The following MRPL34 variants were observed in gnomAD, a reference collection of about 807,000 sequenced individuals.
MRPL34 encodes the protein large ribosomal subunit protein bL34m.
A neutral mutation model predicts 6.7 loss-of-function variants in MRPL34; 8 were observed. The observed-to-expected ratio is 1.20, with a 90% CI of 0.70 to 2.16. MRPL34 has a LOEUF of 2.16. Among genes scored for constraint, MRPL34 ranks in the 30% most tolerant of loss-of-function variants. The pLI is 0.00. For synonymous variants in MRPL34, 59 were observed against 55.1 expected (o/e 1.07, Z -0.31); for missense variants, 146 against 125.5 (o/e 1.16, Z -0.78).
chr19:17,299,323 A>G (rs2074107045), upstream of MRPL34, among the ~76,000 whole-genome samples: 1 of 147,112 alleles, frequency 6.8e-6, no homozygotes, highest in Non-Finnish European at 1.5e-5. Flanking sequence ...GCGCTTTGGG[A>G]GGCCGAGGAG....
upstream of MRPL34, chr19:17,300,883 C>T: frequency 1.3e-6 from 2 of 1,599,338 alleles, no homozygotes; most frequent in East Asian, 2.2e-5. Flanking sequence ...GAGCACATTT[C>T]GCTTCTTGGC....
chr19:17,300,889 T>C (rs2074114207), upstream of MRPL34: 1 of 1,600,794 alleles, frequency 6.2e-7, no homozygotes, highest in Non-Finnish European at 8.5e-7. Flanking sequence ...ATTTCGCTTC[T>C]TGGCATAGCG....
upstream of MRPL34, chr19:17,301,177 C>A: frequency 1.2e-6 from 2 of 1,607,126 alleles, no homozygotes; most frequent in Non-Finnish European, 1.7e-6. Flanking sequence ...TCGCCGCCGC[C>A]GCCCACCACT....
chr19:17,305,155 C>G (rs1023448325), upstream of MRPL34, among the ~76,000 whole-genome samples: 2 of 151,376 alleles, frequency 1.3e-5, no homozygotes, highest in Non-Finnish European at 2.9e-5. Context: ...AAGGGCTGAG[C>G]AGGTTTTACC....
chr19:17,304,407 A>G (rs138724319), upstream of MRPL34, among the ~76,000 whole-genome samples: 5 of 152,362 alleles, frequency 3.3e-5, no homozygotes, highest in Non-Finnish European at 7.3e-5. Context: ...AGCACTCATC[A>G]TAGTGTCGTG....
chr19:17,294,928 G>A, intron 1 of MRPL34: 3 of 1,482,626 alleles, frequency 2.0e-6, no homozygotes, highest in Non-Finnish European at 2.7e-6. Context: ...GTTTTGCTTT[G>A]TTTTTGTTTT....
At chr19:17,300,931 G>T (rs376723965), upstream of MRPL34, 9 of 1,612,902 alleles carry the variant, frequency 5.6e-6, 1 homozygote, top group South Asian at 5.5e-5. Context: ...CTCAGCCAGC[G>T]CATAGAAGGT....
chr19:17,303,373 CCCTGGCGGTCAGCG>C (rs2074130704), upstream of MRPL34: 3 of 152,238 alleles, frequency 2.0e-5, no homozygotes, highest in South Asian at 6.2e-4. Context: ...GGGCACCTGC[CCCTGGCGGTCAGCG>C]CAGGGGCATC....
intron 1 of MRPL34, among the ~76,000 whole-genome samples, chr19:17,293,460 G>T (rs1437124909): frequency 7.2e-6 from 1 of 139,666 alleles, no homozygotes; most frequent in African/African-American, 2.7e-5. Flanking sequence ...CTTTGCTGGG[G>T]GGGCGGGGGT....
At chr19:17,299,417 C>G (rs983229109), upstream of MRPL34, among the ~76,000 whole-genome samples, 2 of 151,798 alleles carry the variant, frequency 1.3e-5, no homozygotes, top group Non-Finnish European at 2.9e-5. Context: ...AAAAATTAGC[C>G]AGGCATGGTA....
upstream of MRPL34, among the ~76,000 whole-genome samples, chr19:17,298,653 G>C (rs866933216): frequency 2.0e-5 from 3 of 151,422 alleles, no homozygotes; most frequent in East Asian, 3.9e-4. Context: ...AGAAGCCAGG[G>C]ATGCTACTAA....
intron 1 of MRPL34, among the ~76,000 whole-genome samples, chr19:17,293,381 G>A (rs2074079391): frequency 6.8e-6 from 1 of 147,042 alleles, no homozygotes; most frequent in Non-Finnish European, 1.5e-5. Flanking sequence ...ACAGGAGTGA[G>A]CCACCGCGCC....
At chr19:17,300,815 C>T (rs769797848), upstream of MRPL34, 11 of 1,546,552 alleles carry the variant, frequency 7.1e-6, no homozygotes, top group Admixed American at 1.9e-5. Flanking sequence ...CCCTGCTGAC[C>T]CCATCCCTCA....
chr19:17,306,342 G>C lies in MRPL34; in HGVS notation c.242G>C (p.Arg81Pro), dbSNP rs968194875. 8 of 1,608,750 alleles carry C rather than the reference G, an allele frequency of 5.0e-6. No individual in the cohort carries two copies. Among genetic ancestry groups the C allele is most frequent in the Non-Finnish European group, 6.8e-6 (8 of 1,178,794 alleles). Residue 81 changes from arginine to proline, a missense_variant, in exon 2 of 2, where the codon CGC (arginine) becomes CCC (proline). Arg to Pro is a moderately radical substitution (Grantham distance 103). Transcript: ENST00000252602. ...CCGGCCGGCGTGCAGGTCATCCTTCGCCGAATGCTCAAGGGCCGCAAGTCG... is the reference window on the plus strand; with the variant it reads ...CCGGCCGGCGTGCAGGTCATCCTTCCCCGAATGCTCAAGGGCCGCAAGTCG... Reference protein sequence around the residue: ...STPAGVQVILRRMLKGRKSLS... With the variant: ...STPAGVQVILPRMLKGRKSLS...
chr19:17,293,060 T>C (rs1054744995), intron 1 of MRPL34, among the ~76,000 whole-genome samples: 18 of 151,954 alleles, frequency 1.2e-4, no homozygotes, highest in African/African-American at 4.1e-4. Context: ...GTCTACAGTA[T>C]GCCAGGAGAA....
chr19:17,294,450 G>C, intron 1 of MRPL34: 5 of 1,614,178 alleles, frequency 3.1e-6, no homozygotes, highest in Non-Finnish European at 3.4e-6. Context: ...CGTTGAAAGC[G>C]TTGCCCTCCT....
upstream of MRPL34, among the ~76,000 whole-genome samples, chr19:17,302,662 TTCC>T (rs1404582833): frequency 6.6e-6 from 1 of 152,166 alleles, no homozygotes; most frequent in African/African-American, 2.4e-5. Flanking sequence ...GACTCTGAAC[TTCC>T]TCCTTGGCAC....
chr19:17,292,921 C>T, intron 1 of MRPL34: 1 of 1,391,862 alleles, frequency 7.2e-7, no homozygotes, highest in Non-Finnish European at 9.7e-7. Flanking sequence ...ACACATGGCC[C>T]ACAGCATCCA....
chr19:17,292,698 G>C, exon 1 of MRPL34: 1 of 1,612,562 alleles, frequency 6.2e-7, no homozygotes, highest in Non-Finnish European at 8.5e-7. Context: ...CAGTGGCTCC[G>C]GTAGAGCCTT....
Sources: gnomAD v4.1 joint callset for allele counts (sites outside exome capture counted in the v4.1 genomes callset) on GRCh38, gnomAD v4.1.1 for gene constraint, MANE v1.5 for transcripts, NCBI Gene and HGNC (gene_info 2026-07-23, HGNC 2026-07-21) for gene names.